NLK: variants seen among roughly 807,000 people sequenced by gnomAD.
The protein encoded by NLK is nemo like kinase, also known as serine/threonine-protein kinase NLK.
Under a neutral mutation model 59.0 loss-of-function variants are expected in NLK, and 11 were observed. That is an observed-to-expected ratio of 0.19 (90% CI 0.12 to 0.31). The LOEUF (loss-of-function observed/expected upper bound fraction) is 0.31, where lower values mean the gene tolerates loss of function less well. NLK is among the 10% of genes least tolerant of loss of function. NLK has a pLI of 1.00. For synonymous variants in NLK, 235 were observed against 235.9 expected, an observed-to-expected ratio of 1.00 and a Z score of 0.03; for missense variants, 410 against 661.1, an observed-to-expected ratio of 0.62 and a Z score of 4.16.
At chr17:28,048,355 T>C (rs540383274) in intron 1 of NLK, 3 of 167,682 alleles carry the variant, frequency 1.8e-5, no homozygotes, top group African/African-American at 7.1e-5. Flanking sequence ...AGAAATTTCA[T>C]GTTATACTGT....
chr17:28,174,084 A>G, intron 7 of NLK, among the ~76,000 whole-genome samples: 1 of 152,208 alleles, frequency 6.6e-6, no homozygotes, highest in East Asian at 1.9e-4. Flanking sequence ...CGGCTGGAAA[A>G]TGTAACCTAC....
downstream of NLK, among the ~76,000 whole-genome samples, chr17:28,201,195 C>T (rs370119667): frequency 3.0e-4 from 45 of 152,118 alleles, no homozygotes; most frequent in African/African-American, 1.1e-3. Context: ...ATTCTCATGC[C>T]TCAGCCTCCC....
At chr17:28,083,186 A>G (rs1013962992) in intron 1 of NLK, among the ~76,000 whole-genome samples, 1 of 152,220 alleles carries the variant, frequency 6.6e-6, no homozygotes, top group Non-Finnish European at 1.5e-5. Flanking sequence ...TTTAATTATT[A>G]GATGAAAAAT....
chr17:28,198,034 A>G (rs2142078935), downstream of NLK, among the ~76,000 whole-genome samples: 1 of 152,314 alleles, frequency 6.6e-6, no homozygotes, highest in East Asian at 1.9e-4. Flanking sequence ...ATATAATAAT[A>G]ATGTCTGGTT....
At chr17:28,134,211 A>G (rs1906639506) in intron 3 of NLK, among the ~76,000 whole-genome samples, 2 of 152,158 alleles carry the variant, frequency 1.3e-5, no homozygotes, top group Non-Finnish European at 2.9e-5. Context: ...CAGCCTGGGC[A>G]ACATAGCAAG....
chr17:28,129,462 G>C (rs1234071822), intron 2 of NLK, among the ~76,000 whole-genome samples: 1 of 151,978 alleles, frequency 6.6e-6, no homozygotes, highest in Non-Finnish European at 1.5e-5. Flanking sequence ...TCAAAAAAAA[G>C]CAAAGGGGCT....
chr17:28,131,586 TAA>T (rs35804817), intron 2 of NLK, among the ~76,000 whole-genome samples: 237 of 83,712 alleles, frequency 2.8e-3, no homozygotes, highest in African/African-American at 0.01. Flanking sequence ...TTCTCTGTAG[TAA>T]AAAAAAAAAA....
chr17:28,048,353 C>T (rs894732457), intron 1 of NLK: 1 of 167,000 alleles, frequency 6.0e-6, no homozygotes, highest in Admixed American at 6.4e-5. Flanking sequence ...GGAGAAATTT[C>T]ATGTTATACT....
rs557017969 is a variant in NLK, at chr17:28,132,564, C to G, written c.589-56C>G. 5 of 1,347,410 alleles carry G rather than the reference C, an allele frequency of 3.7e-6. No individual in the cohort carries two copies. The East Asian group carries it at 1.2e-4, about 33-fold the overall frequency. 83.5% of individuals were successfully genotyped at this position (1,347,410 alleles called of 1,614,324 possible). ...TGTTAGTATTTACTTGCATTTATGT[C>G]GAATTTTGTTTCCTTTTTTGTTCTC... On this transcript the variant is annotated intron_variant, in intron 2 of 10. Transcript: ENST00000407008.
chr17:28,192,622 C>T (rs530169024), intron 10 of NLK, among the ~76,000 whole-genome samples: 3 of 152,004 alleles, frequency 2.0e-5, no homozygotes, highest in Admixed American at 6.5e-5. Flanking sequence ...GAGCCGAGAT[C>T]GCACCATTGC....
chr17:28,155,500 A>G (rs965179942), intron 3 of NLK, among the ~76,000 whole-genome samples: 2 of 152,200 alleles, frequency 1.3e-5, no homozygotes, highest in African/African-American at 2.4e-5. Context: ...TTGTGGCCCT[A>G]TTCACAATAG....
intron 1 of NLK, among the ~76,000 whole-genome samples, chr17:28,060,031 G>A (rs1322787598): frequency 3.9e-5 from 6 of 151,960 alleles, no homozygotes; most frequent in Admixed American, 3.3e-4. Flanking sequence ...TTATGGTTAT[G>A]TTTCACAGTC....
chr17:28,147,342 T>C (rs180844015), intron 3 of NLK, among the ~76,000 whole-genome samples: 19 of 152,332 alleles, frequency 1.2e-4, no homozygotes, highest in African/African-American at 3.4e-4. Flanking sequence ...TGTCAGCATT[T>C]GTTTCTGTGG....
intron 3 of NLK, among the ~76,000 whole-genome samples, chr17:28,146,719 G>A (rs1403226944): frequency 6.6e-6 from 1 of 152,094 alleles, no homozygotes; most frequent in African/African-American, 2.4e-5. Context: ...TCCTGAAGTA[G>A]AATTGTTTTG....
At chr17:28,122,373 AT>A (rs113222832) in intron 1 of NLK, among the ~76,000 whole-genome samples, 351 of 146,068 alleles carry the variant, frequency 2.4e-3, no homozygotes, top group Middle Eastern at 3.5e-3. Context: ...TTAGACAGGG[AT>A]TTTTTTTTTT....
chr17:28,158,787 C>T (rs1666670197), intron 3 of NLK, among the ~76,000 whole-genome samples: 1 of 152,088 alleles, frequency 6.6e-6, no homozygotes. Context: ...CACAAGCCAC[C>T]ACACCTGGCT....
At chr17:28,054,095 G>A (rs190639642) in intron 1 of NLK, among the ~76,000 whole-genome samples, 20 of 152,260 alleles carry the variant, frequency 1.3e-4, no homozygotes, top group Admixed American at 1.2e-3. Flanking sequence ...ATACAGATGC[G>A]GAGGAAATTT....
intron 1 of NLK, among the ~76,000 whole-genome samples, chr17:28,074,240 A>G (rs983650611): frequency 6.6e-6 from 1 of 152,166 alleles, no homozygotes; most frequent in Non-Finnish European, 1.5e-5. Context: ...TTTTAAAATT[A>G]TACACTTGCG....
intron 7 of NLK, among the ~76,000 whole-genome samples, chr17:28,179,730 AC>A (rs1283509660): frequency 1.3e-5 from 2 of 152,050 alleles, no homozygotes; most frequent in Admixed American, 1.3e-4. Flanking sequence ...TGAGACTCAA[AC>A]AAAGAGACAG....
Sources: allele counts gnomAD v4.1 joint callset (sites outside exome capture counted in the v4.1 genomes callset), GRCh38; gene constraint gnomAD v4.1.1; transcripts MANE v1.5; gene names NCBI Gene and HGNC (gene_info 2026-07-23, HGNC 2026-07-21).